Variants in PTPRD observed in about 807,000 individuals in gnomAD.
PTPRD encodes receptor-type tyrosine-protein phosphatase delta.
In PTPRD, 34 loss-of-function variants were observed where a neutral mutation model predicts 214.5. The ratio of observed to expected loss-of-function variants is 0.16; its 90% confidence interval spans 0.12 to 0.21. The LOEUF (loss-of-function observed/expected upper bound fraction) is 0.21. Ranked by LOEUF, PTPRD falls within the 10% of genes least tolerant of loss-of-function variation. The pLI is 1.00. For synonymous variants in PTPRD, 1,128 were observed against 845.7 expected (o/e 1.33, Z -5.79); for missense variants, 2,545 against 2,398.7 (o/e 1.06, Z -1.27).
chr9:8,708,571 C>T (rs1229880576), intron 12 of PTPRD, among the ~76,000 whole-genome samples: 1 of 150,010 alleles, frequency 6.7e-6, no homozygotes, highest in African/African-American at 2.5e-5. Flanking sequence ...CCCAGCTACT[C>T]AGGAGACTGA....
intron 2 of PTPRD, among the ~76,000 whole-genome samples, chr9:10,582,638 C>G (rs1008075478): frequency 3.9e-5 from 6 of 152,172 alleles, no homozygotes; most frequent in Non-Finnish European, 7.3e-5. Flanking sequence ...TATTTAATAT[C>G]TATCCATCCA....
At chr9:10,534,238 A>G (rs1297477160) in intron 2 of PTPRD, among the ~76,000 whole-genome samples, 4 of 152,002 alleles carry the variant, frequency 2.6e-5, no homozygotes, top group African/African-American at 9.7e-5. Flanking sequence ...AAAAGATGTT[A>G]AAATTACTCT....
chr9:10,475,899 G>C (rs2099059649), intron 2 of PTPRD, among the ~76,000 whole-genome samples: 4 of 151,924 alleles, frequency 2.6e-5, no homozygotes, highest in Admixed American at 2.6e-4. Context: ...TATCTCAGTA[G>C]ATGCAGAAAA....
intron 11 of PTPRD, among the ~76,000 whole-genome samples, chr9:8,813,664 C>T (rs1240971006): frequency 3.9e-5 from 6 of 152,186 alleles, no homozygotes; most frequent in Non-Finnish European, 5.9e-5. Flanking sequence ...CGAGCCACCG[C>T]GCCGGGCCTT....
chr9:9,576,527 G>A (rs1213878936), intron 7 of PTPRD, among the ~76,000 whole-genome samples: 1 of 152,080 alleles, frequency 6.6e-6, no homozygotes, highest in East Asian at 1.9e-4. Flanking sequence ...AAAATCTAGT[G>A]TGATTTGAGA....
intron 5 of PTPRD, among the ~76,000 whole-genome samples, chr9:9,846,547 T>G (rs2059565242): frequency 6.6e-6 from 1 of 152,202 alleles, no homozygotes; most frequent in Non-Finnish European, 1.5e-5. Flanking sequence ...TCTTTCAACA[T>G]ATAGCAATCA....
At chr9:9,846,933 G>A (rs1265921244) in intron 5 of PTPRD, among the ~76,000 whole-genome samples, 2 of 152,186 alleles carry the variant, frequency 1.3e-5, no homozygotes, top group South Asian at 2.1e-4. Flanking sequence ...TGGAGTGACT[G>A]TACTGTGATG....
intron 9 of PTPRD, among the ~76,000 whole-genome samples, chr9:9,241,384 A>G (rs2099970271): frequency 6.6e-6 from 1 of 152,206 alleles, no homozygotes; most frequent in South Asian, 2.1e-4. Context: ...TAAGTTCAAT[A>G]AGAAAATATT....
intron 3 of PTPRD, among the ~76,000 whole-genome samples, chr9:10,111,145 A>G (rs1400500115): frequency 6.6e-6 from 1 of 151,286 alleles, no homozygotes; most frequent in Non-Finnish European, 1.5e-5. Flanking sequence ...GAATAAAATT[A>G]GATAATGAAT....
chr9:10,375,165 G>T (rs1298228820), intron 2 of PTPRD, among the ~76,000 whole-genome samples: 1 of 152,028 alleles, frequency 6.6e-6, no homozygotes, highest in Non-Finnish European at 1.5e-5. Flanking sequence ...GATATTTTCA[G>T]ACCACTTCTT....
intron 2 of PTPRD, among the ~76,000 whole-genome samples, chr9:10,423,912 T>C (rs1393949824): frequency 2.0e-5 from 3 of 152,006 alleles, no homozygotes; most frequent in African/African-American, 7.2e-5. Context: ...CCCTTTTCTT[T>C]TAAATGCTAA....
chr9:8,848,691 A>T lies in PTPRD; in HGVS notation c.-103-114745T>A, dbSNP rs772305892. On this transcript the variant is annotated intron_variant, in intron 11 of 45. Coordinates refer to ENST00000381196, the MANE Select transcript of PTPRD (RefSeq NM_002839.4). ...ACGATGTGAGATAAATATTTTTTTT[A>T]AAATCATGTCATATACAAGAGTGAG... Among the ~76,000 whole-genome samples, 123 of 151,880 alleles carry T rather than the reference A, an allele frequency of 8.1e-4. 1 individual carries two copies. Among genetic ancestry groups the T allele is most frequent in the Non-Finnish European group, 1.0e-3 (69 of 67,968 alleles).
At chr9:8,846,723 G>C (rs1023902455) in intron 11 of PTPRD, among the ~76,000 whole-genome samples, 2 of 152,182 alleles carry the variant, frequency 1.3e-5, no homozygotes, top group Admixed American at 6.5e-5. Flanking sequence ...AAGTGTGTGT[G>C]TGTTAGGGAT....
At chr9:10,440,262 C>T (rs773807831) in intron 2 of PTPRD, among the ~76,000 whole-genome samples, 3 of 151,602 alleles carry the variant, frequency 2.0e-5, no homozygotes, top group African/African-American at 7.3e-5. Flanking sequence ...TAAGTTAAAA[C>T]AACATTTTCT....
chr9:9,882,633 T>C (rs1287011490), intron 5 of PTPRD, among the ~76,000 whole-genome samples: 1 of 152,170 alleles, frequency 6.6e-6, no homozygotes, highest in Non-Finnish European at 1.5e-5. Context: ...CACTGTAAGG[T>C]GGATAGCAAC....
intron 9 of PTPRD, among the ~76,000 whole-genome samples, chr9:9,382,413 T>G (rs947281627): frequency 6.6e-6 from 1 of 152,080 alleles, no homozygotes; most frequent in Non-Finnish European, 1.5e-5. Context: ...GAGAAAATGT[T>G]TGCAAACCAT....
intron 8 of PTPRD, among the ~76,000 whole-genome samples, chr9:9,437,999 A>C (rs2086010530): frequency 6.6e-6 from 1 of 152,086 alleles, no homozygotes; most frequent in African/African-American, 2.4e-5. Context: ...CTGTGAAGAG[A>C]GGGTCTGTTC....
chr9:10,055,810 A>G (rs2097627477), intron 3 of PTPRD, among the ~76,000 whole-genome samples: 1 of 151,540 alleles, frequency 6.6e-6, no homozygotes, highest in South Asian at 2.1e-4. Context: ...ATATATAAAT[A>G]TAATGTATAA....
At chr9:10,271,334 A>G (rs1595833986) in intron 3 of PTPRD, among the ~76,000 whole-genome samples, 2 of 151,928 alleles carry the variant, frequency 1.3e-5, no homozygotes, top group African/African-American at 2.4e-5. Flanking sequence ...ACCAGCAGAT[A>G]CATCAAATCT....
Sources: gnomAD v4.1 joint callset for allele counts (sites outside exome capture counted in the v4.1 genomes callset) on GRCh38, gnomAD v4.1.1 for gene constraint, MANE v1.5 for transcripts, NCBI Gene and HGNC (gene_info 2026-07-23, HGNC 2026-07-21) for gene names.